EPB41L2: variants seen among roughly 807,000 people sequenced by gnomAD.
EPB41L2 encodes the protein erythrocyte membrane protein band 4.1 like 2.
Under a neutral mutation model 113.0 loss-of-function variants are expected in EPB41L2, and 43 were observed. The observed-to-expected ratio is 0.38, with a 90% CI of 0.30 to 0.49. EPB41L2 has a LOEUF of 0.49. Among genes scored for constraint, EPB41L2 ranks in the 20% least tolerant of loss-of-function variants. The pLI, the probability that EPB41L2 is intolerant of heterozygous loss-of-function variation, is 0.95. For missense variants in EPB41L2, 1,147 were observed against 1,223.4 expected (o/e 0.94, Z 0.93); for synonymous variants, 442 against 436.7 (o/e 1.01, Z -0.15).
At chr6:131,022,971 A>T (rs937864134) in intron 1 of EPB41L2, among the ~76,000 whole-genome samples, 5 of 152,212 alleles carry the variant, frequency 3.3e-5, no homozygotes, top group Admixed American at 6.5e-5. Flanking sequence ...CTGTTTTGTA[A>T]ACCACCTTAT....
chr6:130,847,765 C>T (rs1306236000), intron 19 of EPB41L2, among the ~76,000 whole-genome samples: 1 of 152,044 alleles, frequency 6.6e-6, no homozygotes, highest in Non-Finnish European at 1.5e-5. Context: ...GTAGTAGTGC[C>T]GGCCCTAAAG....
intron 3 of EPB41L2, among the ~76,000 whole-genome samples, chr6:130,944,828 G>A (rs1430807467): frequency 6.6e-6 from 1 of 152,136 alleles, no homozygotes; most frequent in Non-Finnish European, 1.5e-5. Context: ...AGGGAGGGGG[G>A]CCGAGGTCCA....
At position 130,955,264 on chromosome 6, in the gene EPB41L2, T is replaced by C; in HGVS notation, c.546A>G (p.Glu182=). ...EREEKVKETQ[E]DKLEGGAAKR... The stretch of plus-strand genomic sequence containing the variant: ...TTGCTGCTCCTCCTTCTAATTTGTC[T>C]TCCTGTGTTTCTTTTACCTTCTCTT... Residue 182 remains glutamate, a synonymous_variant, in exon 3 of 20, where the codon GAA becomes GAG. Coordinates refer to ENST00000337057, the MANE Select transcript of EPB41L2 (RefSeq NM_001431.4). The C allele has an allele frequency of 1.2e-6, 2 of 1,614,202 alleles. No individual in the cohort carries two copies. The highest frequency in any genetic ancestry group is 1.7e-6 in the Non-Finnish European group (2 of 1,180,036).
intron 19 of EPB41L2, among the ~76,000 whole-genome samples, chr6:130,844,310 C>G (rs1776349456): frequency 6.6e-6 from 1 of 152,118 alleles, no homozygotes; most frequent in Non-Finnish European, 1.5e-5. Context: ...CGCCTGTAAT[C>G]CCAGCATTTT....
intron 1 of EPB41L2, among the ~76,000 whole-genome samples, chr6:130,967,584 G>C (rs564675386): frequency 6.6e-6 from 1 of 152,056 alleles, no homozygotes; most frequent in Non-Finnish European, 1.5e-5. Flanking sequence ...AACAGAATGG[G>C]AAGAGTCCTA....
rs1164857343 is a variant in EPB41L2, at chr6:130,894,463, A to G, written c.1390-22T>C. 1.9e-6 allele frequency: 3 copies of G among 1,602,648 alleles called. No homozygotes were observed. In the African/African-American group the frequency reaches 4.0e-5, roughly 21 times the overall value. On this transcript the variant is annotated intron_variant, in intron 9 of 19. Transcript: ENST00000337057. Reference sequence around the variant, plus strand: ...CCAGCTGGAATAAATCCGTAAAACAAATCAGCATATTTCCTTAAGAACTGA... The same window carrying G: ...CCAGCTGGAATAAATCCGTAAAACAGATCAGCATATTTCCTTAAGAACTGA...
intron 3 of EPB41L2, among the ~76,000 whole-genome samples, chr6:130,939,545 G>T (rs527626499): frequency 6.6e-6 from 1 of 151,968 alleles, no homozygotes; most frequent in Admixed American, 6.6e-5. Flanking sequence ...AAGACACCGC[G>T]CCCGGCCCCA....
chr6:130,964,634 A>C (rs1369131846), intron 1 of EPB41L2, among the ~76,000 whole-genome samples: 3 of 152,154 alleles, frequency 2.0e-5, no homozygotes, highest in Non-Finnish European at 4.4e-5. Context: ...TCTGCCAAGA[A>C]AATAACTATA....
chr6:130,892,210 G>C (rs1439286983), intron 10 of EPB41L2, among the ~76,000 whole-genome samples: 1 of 152,026 alleles, frequency 6.6e-6, no homozygotes, highest in Admixed American at 6.6e-5. Context: ...ACAGGTGTCA[G>C]AATCAGGAAG....
At chr6:130,943,920 C>T (rs929302102) in intron 3 of EPB41L2, among the ~76,000 whole-genome samples, 1 of 152,142 alleles carries the variant, frequency 6.6e-6, no homozygotes, top group South Asian at 2.1e-4. Flanking sequence ...GCCTGCAATT[C>T]CCTCTGAGCT....
chr6:130,892,403 C>CTTTTTTTTTTTTTTT (rs60350565), intron 10 of EPB41L2, among the ~76,000 whole-genome samples: 5,972 of 91,146 alleles, frequency 0.066, 790 homozygotes, highest in Non-Finnish European at 0.11. Flanking sequence ...CAGATTATTG[C>CTTTTTTTTTTTTTTT]TTTTTTTTTT....
At chr6:131,004,818 C>T (rs1188417372) in intron 1 of EPB41L2, among the ~76,000 whole-genome samples, 1 of 152,158 alleles carries the variant, frequency 6.6e-6, no homozygotes, top group East Asian at 1.9e-4. Context: ...TCACCTTTCC[C>T]TTCCTTTTTA....
At chr6:130,974,354 C>A (rs1777630771) in intron 1 of EPB41L2, among the ~76,000 whole-genome samples, 1 of 152,146 alleles carries the variant, frequency 6.6e-6, no homozygotes, top group Admixed American at 6.6e-5. Context: ...GTGTAAGTCA[C>A]CCAGTCTATG....
intron 19 of EPB41L2, among the ~76,000 whole-genome samples, chr6:130,852,237 G>A (rs1778969798): frequency 6.6e-6 from 1 of 152,162 alleles, no homozygotes; most frequent in Admixed American, 6.5e-5. Flanking sequence ...GATGAGACCA[G>A]CCAAGGTCAA....
chr6:130,913,617 G>A (rs7758813), intron 4 of EPB41L2, among the ~76,000 whole-genome samples: 159 of 152,056 alleles, frequency 1.0e-3, no homozygotes, highest in African/African-American at 3.6e-3. Context: ...AAATGATCAC[G>A]TTATATTACT....
chr6:130,955,889 A>G, intron 2 of EPB41L2, 105 bp downstream of exon 2: 2 of 1,504,158 alleles, frequency 1.3e-6, no homozygotes, highest in Non-Finnish European at 1.8e-6. Flanking sequence ...CTAAAGCAGT[A>G]TCTCAGTACA....
At chr6:131,034,517 T>C (rs1792898981) in intron 1 of EPB41L2, among the ~76,000 whole-genome samples, 1 of 152,096 alleles carries the variant, frequency 6.6e-6, no homozygotes, top group African/African-American at 2.4e-5. Flanking sequence ...GGGCAACAAA[T>C]TGAGACCCTG....
intron 13 of EPB41L2, among the ~76,000 whole-genome samples, chr6:130,878,812 G>A (rs1174371283): frequency 6.6e-6 from 1 of 152,152 alleles, no homozygotes; most frequent in Non-Finnish European, 1.5e-5. Flanking sequence ...TTGTTTTCAG[G>A]AAATTCCAGT....
At chr6:130,842,086 T>C (rs1775696468) in intron 19 of EPB41L2, among the ~76,000 whole-genome samples, 2 of 152,172 alleles carry the variant, frequency 1.3e-5, no homozygotes, top group Admixed American at 1.3e-4. Context: ...GCTCCCAAAG[T>C]CAATTAGAAT....
Sources: allele counts gnomAD v4.1 joint callset (sites outside exome capture counted in the v4.1 genomes callset), GRCh38; gene constraint gnomAD v4.1.1; transcripts MANE v1.5; gene names NCBI Gene and HGNC (gene_info 2026-07-23, HGNC 2026-07-21).